ALG13: variants seen among roughly 807,000 people sequenced by gnomAD.
ALG13 encodes ALG13 UDP-N-acetylglucosaminyltransferase subunit, also known as UDP-N-acetylglucosamine transferase subunit ALG13.
Under a neutral mutation model 87.8 loss-of-function variants are expected in ALG13, and 11 were observed. That is an observed-to-expected ratio of 0.13 (90% CI 0.08 to 0.21). The LOEUF (loss-of-function observed/expected upper bound fraction) is 0.21. Ranked by LOEUF, ALG13 falls within the 10% of genes least tolerant of loss-of-function variation. The probability of loss-of-function intolerance (pLI) is 1.00; values close to 1 mark genes in which losing one functional copy is unlikely to be tolerated. For missense variants in ALG13, 756 were observed against 866.1 expected (o/e 0.87, Z 1.60); for synonymous variants, 320 against 306.3 (o/e 1.04, Z -0.47).
At chrX:111,701,203 A>G (rs998810248) in intron 3 of ALG13, among the ~76,000 whole-genome samples, 3 of 111,778 alleles carry the variant, frequency 2.7e-5, no homozygotes, top group Non-Finnish European at 5.6e-5. Flanking sequence ...TGGCTTTGGT[A>G]TCAGGGTAAT....
intron 12 of ALG13, among the ~76,000 whole-genome samples, chrX:111,722,485 G>T (rs1941499682): frequency 8.9e-6 from 1 of 112,189 alleles, no homozygotes; most frequent in South Asian, 3.7e-4. Context: ...ATAATAGGTT[G>T]ATTTGAGAAG....
intron 23 of ALG13, among the ~76,000 whole-genome samples, chrX:111,742,679 A>G: frequency 8.9e-6 from 1 of 112,001 alleles, no homozygotes; most frequent in South Asian, 3.7e-4. Flanking sequence ...TCTTTGTATT[A>G]GTTTTGGTAG....
chrX:111,717,966 A>G, intron 9 of ALG13, 39 bp downstream of exon 9: 11 of 1,151,351 alleles, frequency 9.6e-6, no homozygotes, highest in South Asian at 1.9e-5. Flanking sequence ...GTGATTTCAG[A>G]TGACTTGTTT....
At chrX:111,735,486 A>G (rs1019734935) in intron 22 of ALG13, among the ~76,000 whole-genome samples, 24 of 111,636 alleles carry the variant, frequency 2.1e-4, no homozygotes, top group African/African-American at 7.5e-4. Flanking sequence ...AGCTGAAACC[A>G]TAGGAGTAAA....
At chrX:111,759,144 A>ATT (rs60549732) in intron 26 of ALG13, among the ~76,000 whole-genome samples, 23 of 92,687 alleles carry the variant, frequency 2.5e-4, no homozygotes, top group East Asian at 1.3e-3. Context: ...CAAGTAATGA[A>ATT]TTTTTTTTTT....
intron 5 of ALG13, chrX:111,711,074 T>C (rs1196168666): frequency 8.9e-6 from 1 of 112,724 alleles, no homozygotes; most frequent in African/African-American, 3.2e-5. Flanking sequence ...TATGTATCCA[T>C]GGAACTAGAA....
intron 6 of ALG13, 41 bp downstream of exon 6, chrX:111,711,766 T>C: frequency 8.9e-7 from 1 of 1,127,878 alleles, no homozygotes. Flanking sequence ...CAGAGTTATT[T>C]GGAATAGTAA....
intron 3 of ALG13, chrX:111,686,212 C>T: frequency 1.0e-6 from 1 of 992,062 alleles, no homozygotes; most frequent in Non-Finnish European, 1.3e-6. Flanking sequence ...AAAACCTATC[C>T]TAGTTTGATG....
intron 3 of ALG13, among the ~76,000 whole-genome samples, chrX:111,700,400 ATGT>A (rs1937615395): frequency 9.1e-6 from 1 of 110,435 alleles, no homozygotes; most frequent in Non-Finnish European, 1.9e-5. Flanking sequence ...TACGATTTGT[ATGT>A]TGAATAGAAG....
At chrX:111,731,464 C>G (rs748006656) in intron 21 of ALG13, among the ~76,000 whole-genome samples, 1 of 111,817 alleles carries the variant, frequency 8.9e-6, no homozygotes, top group East Asian at 2.8e-4. Context: ...GGGACTCTTC[C>G]CTGGAGGAAC....
rs755993647 is a variant in ALG13, at chrX:111,726,958, A to G, written c.1879A>G (p.Met627Val). 9 of 1,209,728 alleles carry G rather than the reference A, an allele frequency of 7.4e-6. No individual in the cohort carries two copies. The African/African-American group carries it at 8.8e-5, about 12-fold the overall frequency. The stretch of plus-strand genomic sequence containing the variant: ...TATGCATTATGGGCACGATCCTCCA[A>G]TGCACTACTCACAGACAGCTGGCAA... ...HSMHYGHDPP[M>V]HYSQTAGNVM... Residue 627 changes from methionine to valine, a missense_variant, in exon 16 of 27, where the codon ATG (methionine) becomes GTG (valine). By Grantham distance (21) the Met-to-Val change is conservative. Transcript: ENST00000394780.
intron 3 of ALG13, among the ~76,000 whole-genome samples, chrX:111,696,959 A>G (rs1937043576): frequency 9.5e-6 from 1 of 105,697 alleles, no homozygotes; most frequent in South Asian, 4.2e-4. Flanking sequence ...GTAGAATTTC[A>G]GTGAAATTGC....
At chrX:111,716,194 C>T (rs750109477) in intron 8 of ALG13, among the ~76,000 whole-genome samples, 10 of 111,192 alleles carry the variant, frequency 9.0e-5, no homozygotes, top group Non-Finnish European at 1.7e-4. Context: ...AAATATCCTT[C>T]TTAGTAATAT....
At chrX:111,685,276 ATC>A in intron 3 of ALG13, 173 bp downstream of exon 3, 1 of 480,853 alleles carries the variant, frequency 2.1e-6, no homozygotes. Context: ...CCATTTTGCA[ATC>A]TCTGTGTTGT....
chrX:111,687,889 C>T lies in ALG13; in HGVS notation c.383+2786C>T, dbSNP rs777637325. ...ATATTTTTCTTCTTTTGTTTTAGCA[C>T]GCTTCCTGGGCTGTTACAGTCAATG... On this transcript the variant is annotated intron_variant, in intron 3 of 26. Transcript: ENST00000394780. 8.7e-6 allele frequency: 10 copies of T among 1,151,669 alleles called. No homozygotes were observed. Among genetic ancestry groups the T allele is most frequent in the Middle Eastern group, 4.7e-4 (2 of 4,244 alleles). The allele number at this position is 1,151,669 out of a possible 1,213,427, so 94.9% of individuals were successfully genotyped here.
chrX:111,725,767 A>G (rs1263753791), intron 15 of ALG13, among the ~76,000 whole-genome samples: 1 of 112,076 alleles, frequency 8.9e-6, no homozygotes, highest in African/African-American at 3.2e-5. Flanking sequence ...TAAAAAACTT[A>G]AGCTGACATG....
chrX:111,754,364 A>G (rs1164907066), intron 25 of ALG13, among the ~76,000 whole-genome samples: 1 of 111,816 alleles, frequency 8.9e-6, no homozygotes, highest in African/African-American at 3.3e-5. Flanking sequence ...AAACCGGTAC[A>G]AGACAAGGAT....
intron 26 of ALG13, among the ~76,000 whole-genome samples, chrX:111,759,144 AT>A (rs60549732): frequency 0.11 from 9,759 of 92,518 alleles, 1,224 homozygotes; most frequent in African/African-American, 0.35. Context: ...CAAGTAATGA[AT>A]TTTTTTTTTT....
chrX:111,750,731 A>C (rs1364463251), intron 24 of ALG13, among the ~76,000 whole-genome samples: 2 of 109,853 alleles, frequency 1.8e-5, no homozygotes, highest in Non-Finnish European at 3.8e-5. Flanking sequence ...GCAGTGGTGC[A>C]ATCTTGGCTC....
Sources: allele counts gnomAD v4.1 joint callset (sites outside exome capture counted in the v4.1 genomes callset), GRCh38; gene constraint gnomAD v4.1.1; transcripts MANE v1.5; gene names NCBI Gene and HGNC (gene_info 2026-07-23, HGNC 2026-07-21).